BRINP3: variants seen among roughly 807,000 people sequenced by gnomAD.
BRINP3 encodes BMP/retinoic acid inducible neural specific 3, also known as BMP/retinoic acid-inducible neural-specific protein 3.
In BRINP3, 19 loss-of-function variants were observed where a neutral mutation model predicts 71.0. The ratio of observed to expected loss-of-function variants is 0.27; its 90% CI spans 0.19 to 0.39. The LOEUF is 0.39. Ranked by LOEUF, BRINP3 falls within the 10% of genes least tolerant of loss-of-function variation. The pLI is 1.00. For synonymous variants in BRINP3, 380 were observed against 337.7 expected (o/e 1.13, Z -1.37); for missense variants, 959 against 940.8 (o/e 1.02, Z -0.25).
intron 4 of BRINP3, among the ~76,000 whole-genome samples, chr1:190,260,489 T>TTATGCA (rs1661090239): frequency 6.6e-6 from 1 of 151,976 alleles, no homozygotes; most frequent in Admixed American, 6.6e-5. Context: ...TGTGCAACAA[T>TTATGCA]TATGAATGGT....
intron 2 of BRINP3, among the ~76,000 whole-genome samples, chr1:190,289,721 T>C (rs915228397): frequency 6.6e-6 from 1 of 151,944 alleles, no homozygotes; most frequent in Admixed American, 6.6e-5. Context: ...TTATATAATA[T>C]AAACTTCTTA....
chr1:190,341,901 T>C (rs995625616), intron 2 of BRINP3, among the ~76,000 whole-genome samples: 2 of 151,768 alleles, frequency 1.3e-5, no homozygotes, highest in African/African-American at 4.8e-5. Context: ...ATTATACAAT[T>C]ATGTTAAAGT....
intron 2 of BRINP3, among the ~76,000 whole-genome samples, chr1:190,453,790 A>G (rs968077243): frequency 9.9e-5 from 15 of 152,212 alleles, no homozygotes; most frequent in Non-Finnish European, 2.1e-4. Context: ...TAAAATATTT[A>G]TATAGGAGTA....
At chr1:190,286,047 C>T (rs995800942) in intron 2 of BRINP3, among the ~76,000 whole-genome samples, 17 of 152,192 alleles carry the variant, frequency 1.1e-4, no homozygotes, top group African/African-American at 3.9e-4. Context: ...TAATGTAACT[C>T]AGTCCTTTTC....
At chr1:190,330,391 C>A (rs1488219918) in intron 2 of BRINP3, among the ~76,000 whole-genome samples, 3 of 151,928 alleles carry the variant, frequency 2.0e-5, no homozygotes, top group African/African-American at 7.2e-5. Context: ...TGTTCCACAT[C>A]ACTAATCATC....
At chr1:190,257,005 C>T (rs1046978097) in intron 4 of BRINP3, among the ~76,000 whole-genome samples, 1 of 152,102 alleles carries the variant, frequency 6.6e-6, no homozygotes, top group African/African-American at 2.4e-5. Context: ...GTGGTGTTCT[C>T]TGTATTACCT....
intron 5 of BRINP3, among the ~76,000 whole-genome samples, chr1:190,227,251 C>T (rs187652996): frequency 2.2e-4 from 34 of 151,762 alleles, no homozygotes; most frequent in Middle Eastern, 3.5e-3. Context: ...TCAATGTTGA[C>T]CCTTGACTAT....
intron 2 of BRINP3, among the ~76,000 whole-genome samples, chr1:190,431,311 T>A (rs1674084344): frequency 6.6e-6 from 1 of 152,094 alleles, no homozygotes; most frequent in African/African-American, 2.4e-5. Flanking sequence ...TCCAGAAATT[T>A]TATTTTGTAA....
intron 1 of BRINP3, among the ~76,000 whole-genome samples, chr1:190,460,341 T>C (rs1176865252): frequency 2.0e-5 from 3 of 151,266 alleles, no homozygotes; most frequent in African/African-American, 7.3e-5. Flanking sequence ...ACTATAATAA[T>C]TATTTTTTGA....
chr1:190,302,642 G>A (rs1451274044), intron 2 of BRINP3: 1 of 151,718 alleles, frequency 6.6e-6, no homozygotes, highest in Non-Finnish European at 1.5e-5. Flanking sequence ...ATTTTATGCA[G>A]TACATGCACC....
intron 6 of BRINP3, among the ~76,000 whole-genome samples, chr1:190,190,177 T>C (rs1653909487): frequency 6.6e-6 from 1 of 152,114 alleles, no homozygotes; most frequent in Admixed American, 6.6e-5. Flanking sequence ...AGAAACTTAG[T>C]TTACAGTTAC....
chr1:190,176,545 T>G (rs1652523436), intron 6 of BRINP3, among the ~76,000 whole-genome samples: 1 of 152,186 alleles, frequency 6.6e-6, no homozygotes, highest in African/African-American at 2.4e-5. Context: ...TTGTAATTAA[T>G]TTAACAGTCA....
intron 4 of BRINP3, among the ~76,000 whole-genome samples, chr1:190,245,859 T>G (rs1186036305): frequency 1.3e-5 from 2 of 150,930 alleles, no homozygotes; most frequent in Non-Finnish European, 2.9e-5. Flanking sequence ...GGTGTTTGGT[T>G]TTTTTGTCCT....
chr1:190,323,659 T>C (rs1666395614), intron 2 of BRINP3, among the ~76,000 whole-genome samples: 1 of 151,838 alleles, frequency 6.6e-6, no homozygotes, highest in Non-Finnish European at 1.5e-5. Flanking sequence ...TTCACAGTTC[T>C]CTGTGGTTGA....
intron 2 of BRINP3, among the ~76,000 whole-genome samples, chr1:190,289,747 A>T (rs1258238453): frequency 6.6e-6 from 1 of 152,004 alleles, no homozygotes; most frequent in Admixed American, 6.6e-5. Flanking sequence ...TACCTGCTTC[A>T]TATGAACTTC....
intron 2 of BRINP3, among the ~76,000 whole-genome samples, chr1:190,320,516 A>C (rs1666168040): frequency 6.6e-6 from 1 of 152,002 alleles, no homozygotes; most frequent in Non-Finnish European, 1.5e-5. Flanking sequence ...GTTTTATAAC[A>C]ATTTGTATTT....
chr1:190,375,270 T>G (rs1484941961), intron 2 of BRINP3, among the ~76,000 whole-genome samples: 3 of 151,888 alleles, frequency 2.0e-5, no homozygotes, highest in Non-Finnish European at 4.4e-5. Flanking sequence ...TATTTGTATA[T>G]GTAAATGTGT....
intron 2 of BRINP3, among the ~76,000 whole-genome samples, chr1:190,422,777 T>G (rs1269275686): frequency 6.6e-6 from 1 of 151,840 alleles, no homozygotes; most frequent in Non-Finnish European, 1.5e-5. Context: ...ATTTGAATAT[T>G]TTTAGATTTA....
chr1:190,395,833 T>G (rs1451261014), intron 2 of BRINP3, among the ~76,000 whole-genome samples: 1 of 151,804 alleles, frequency 6.6e-6, no homozygotes, highest in African/African-American at 2.4e-5. Context: ...GCTCTTTAAG[T>G]TTTTGGTAAT....
Sources: gnomAD v4.1 joint callset for allele counts (sites outside exome capture counted in the v4.1 genomes callset) on GRCh38, gnomAD v4.1.1 for gene constraint, MANE v1.5 for transcripts, NCBI Gene and HGNC (gene_info 2026-07-23, HGNC 2026-07-21) for gene names.